Variants in PCNX2 observed in about 807,000 individuals in gnomAD.
PCNX2 encodes pecanex 2.
Under a neutral mutation model 223.8 loss-of-function variants are expected in PCNX2, and 168 were observed. That is an observed-to-expected ratio of 0.75 (90% CI 0.66 to 0.85). PCNX2 has a LOEUF of 0.85. PCNX2 is among the 40% of genes least tolerant of loss of function. The pLI, the probability that PCNX2 is intolerant of heterozygous loss-of-function variation, is 0.00. For missense variants in PCNX2, 2,507 were observed against 2,675.5 expected (o/e 0.94, Z 1.39); for synonymous variants, 1,006 against 1,052.6 (o/e 0.96, Z 0.86).
At chr1:233,278,474 G>C (rs1661024093) in intron 1 of PCNX2, among the ~76,000 whole-genome samples, 1 of 152,180 alleles carries the variant, frequency 6.6e-6, no homozygotes, top group Non-Finnish European at 1.5e-5. Flanking sequence ...GCCTCCTGAG[G>C]TGTTTTATCA....
intron 15 of PCNX2, among the ~76,000 whole-genome samples, chr1:233,187,133 G>A (rs114144479): frequency 1.0e-3 from 156 of 152,262 alleles, no homozygotes; most frequent in Non-Finnish European, 1.9e-3. Context: ...CCATGCATTC[G>A]GCAGCGACTA....
At chr1:233,190,407 G>A (rs916028409) in intron 15 of PCNX2, among the ~76,000 whole-genome samples, 1 of 152,156 alleles carries the variant, frequency 6.6e-6, no homozygotes, top group African/African-American at 2.4e-5. Context: ...TTTAATAGGT[G>A]CTGCATCTTC....
intron 15 of PCNX2, among the ~76,000 whole-genome samples, chr1:233,192,433 A>G (rs1680474797): frequency 6.6e-6 from 1 of 152,190 alleles, no homozygotes; most frequent in African/African-American, 2.4e-5. Context: ...AAAATTTTAA[A>G]CATTCTACAG....
intron 23 of PCNX2, among the ~76,000 whole-genome samples, chr1:233,068,202 T>C (rs1672701625): frequency 1.3e-5 from 2 of 152,198 alleles, no homozygotes; most frequent in Non-Finnish European, 2.9e-5. Flanking sequence ...TCAGCCTAGA[T>C]TCCTATATAC....
At chr1:233,054,123 A>T in intron 25 of PCNX2, 145 bp downstream of exon 25, 1 of 670,070 alleles carries the variant, frequency 1.5e-6, no homozygotes, top group Non-Finnish European at 2.6e-6. Flanking sequence ...TAGTTTATTT[A>T]TATCAAGGTA....
intron 23 of PCNX2, chr1:233,057,535 T>G: frequency 2.3e-6 from 1 of 426,626 alleles, no homozygotes. Flanking sequence ...AGAACGGTCT[T>G]GTGTCTTAAT....
intron 28 of PCNX2, among the ~76,000 whole-genome samples, chr1:233,008,260 T>A (rs1670353255): frequency 6.6e-6 from 1 of 152,096 alleles, no homozygotes; most frequent in African/African-American, 2.4e-5. Context: ...TAAAGAACAT[T>A]CAGAAAGAAC....
chr1:233,145,701 T>G (rs1483566065), intron 19 of PCNX2, among the ~76,000 whole-genome samples: 2 of 152,116 alleles, frequency 1.3e-5, no homozygotes, highest in Non-Finnish European at 2.9e-5. Flanking sequence ...AGGAGGAGGA[T>G]TTACCACTGA....
intron 17 of PCNX2, among the ~76,000 whole-genome samples, chr1:233,162,255 C>T (rs925791748): frequency 1.1e-4 from 17 of 152,092 alleles, no homozygotes; most frequent in Admixed American, 7.2e-4. Flanking sequence ...GGAACCATCA[C>T]TTCTTTTCTC....
intron 12 of PCNX2, 60 bp from the exon 13 acceptor site, chr1:233,208,749 TCATA>T (rs1681635360): frequency 7.4e-7 from 1 of 1,360,366 alleles, no homozygotes; most frequent in Non-Finnish European, 9.8e-7. Flanking sequence ...GAAAAAAGCC[TCATA>T]GTCAATAATT....
rs139128783 is a variant in PCNX2, at chr1:233,134,372, C to T, written c.3837+641G>A. On this transcript the variant is annotated intron_variant, in intron 21 of 33. Coordinates refer to ENST00000258229, the MANE Select transcript of PCNX2 (RefSeq NM_014801.4). ...TCTCCCATTAATTAAACATTAGATA[C>T]GAGCCCCATATATTTGCCTGAATTA... is the stretch of plus-strand genomic sequence containing the variant. Among the ~76,000 whole-genome samples, 424 of 152,274 alleles carry T rather than the reference C, an allele frequency of 2.8e-3. 4 individuals carry two copies. The highest frequency in any genetic ancestry group is 5.1e-3 in the Non-Finnish European group (345 of 68,024).
chr1:233,077,851 G>A (rs1261793155), intron 23 of PCNX2, among the ~76,000 whole-genome samples: 4 of 152,034 alleles, frequency 2.6e-5, no homozygotes, highest in Non-Finnish European at 5.9e-5. Context: ...CATCTATTTA[G>A]TTTACAGGGA....
chr1:233,265,127 T>C (rs1028245255), intron 1 of PCNX2, among the ~76,000 whole-genome samples: 3 of 151,820 alleles, frequency 2.0e-5, no homozygotes, highest in African/African-American at 4.8e-5. Flanking sequence ...CCTATAGTCC[T>C]TGCTACTGGG....
chr1:232,989,419 C>T (rs373624192), intron 32 of PCNX2, among the ~76,000 whole-genome samples: 102 of 151,656 alleles, frequency 6.7e-4, no homozygotes, highest in African/African-American at 2.2e-3. Context: ...GCGCCACTGC[C>T]GTCCGGCCTG....
intron 21 of PCNX2, among the ~76,000 whole-genome samples, chr1:233,129,513 T>C: frequency 6.6e-6 from 1 of 152,198 alleles, no homozygotes; most frequent in Non-Finnish European, 1.5e-5. Context: ...GGGTTCACAG[T>C]GCGGGACTGG....
chr1:233,133,793 G>C (rs1391437885), intron 21 of PCNX2, among the ~76,000 whole-genome samples: 1 of 152,138 alleles, frequency 6.6e-6, no homozygotes, highest in African/African-American at 2.4e-5. Context: ...CCAGGAGTTG[G>C]AGGCTGCAGT....
intron 19 of PCNX2, among the ~76,000 whole-genome samples, chr1:233,141,231 G>C (rs757985228): frequency 3.0e-4 from 46 of 152,276 alleles, no homozygotes; most frequent in Non-Finnish European, 2.1e-4. Flanking sequence ...CTGGGGCTCT[G>C]CATGACAGAT....
At chr1:233,038,215 C>T (rs1290296720) in intron 25 of PCNX2, among the ~76,000 whole-genome samples, 2 of 152,122 alleles carry the variant, frequency 1.3e-5, no homozygotes, top group African/African-American at 2.4e-5. Flanking sequence ...TTGTAACTCA[C>T]ATTGGGCAGT....
chr1:233,318,113 T>C, the PCNX2 span, among the ~76,000 whole-genome samples: 1 of 152,204 alleles, frequency 6.6e-6, no homozygotes, highest in African/African-American at 2.4e-5. Context: ...ATCCAGATGC[T>C]TTTTGTCTCA....
Sources: gnomAD v4.1 joint callset for allele counts (sites outside exome capture counted in the v4.1 genomes callset) on GRCh38, gnomAD v4.1.1 for gene constraint, MANE v1.5 for transcripts, NCBI Gene and HGNC (gene_info 2026-07-23, HGNC 2026-07-21) for gene names.